ZNF282: variants seen among roughly 807,000 people sequenced by gnomAD.
ZNF282 encodes zinc finger protein 282.
In ZNF282, 30 loss-of-function variants were observed where a neutral mutation model predicts 61.9. The ratio of observed to expected loss-of-function variants is 0.48; its 90% CI spans 0.36 to 0.66. ZNF282 has a LOEUF of 0.66. Ranked by LOEUF, ZNF282 falls within the 30% of genes least tolerant of loss-of-function variation. ZNF282 has a pLI of 0.00. For synonymous variants in ZNF282, 396 were observed against 405.0 expected, an observed-to-expected ratio of 0.98 and a Z score of 0.27; for missense variants, 788 against 941.4, an observed-to-expected ratio of 0.84 and a Z score of 2.13.
chr7:149,224,483 C>T lies in ZNF282; in HGVS notation c.1852C>T (p.Leu618Phe). Residue 618 changes from leucine to phenylalanine, a missense_variant, in exon 8 of 8, where the codon CTC becomes TTC. Leu to Phe is a conservative substitution (Grantham distance 22). Coordinates refer to ENST00000610704, the MANE Select transcript of ZNF282 (RefSeq NM_003575.4). Reference protein sequence around the residue: ...GKSFIRKQNLLKHQRIHTGER... With the variant: ...GKSFIRKQNLFKHQRIHTGER... ...GAGCTTCATCCGCAAGCAGAACCTG[C>T]TCAAGCACCAGCGCATCCACACGGG... 1 of 1,613,468 alleles carries T rather than the reference C, an allele frequency of 6.2e-7. No homozygotes were observed. Among genetic ancestry groups the T allele is most frequent in the Non-Finnish European group, 8.5e-7 (1 of 1,179,918 alleles).
chr7:149,212,381 C>T lies in ZNF282; in HGVS notation c.976C>T (p.Leu326Phe), dbSNP rs1796099714. ...ITDSPISAQD[L>F]LSRIKQEEHQ... ...AGACTCCCCAATTTCTGCCCAGGAC[C>T]TCTTGTCCCGGATTAAACAGGAGGA... The change falls in exon 6 of 8, where the codon CTC becomes TTC. Residue 326 changes from leucine to phenylalanine, a missense_variant. Physicochemically the swap from Leu to Phe is conservative, Grantham distance 22. This residue lies in a region of ZNF282 where 559 missense variants were observed against 642.0 expected (regional missense o/e 0.87). Transcript: ENST00000610704. The T allele has an allele frequency of 1.9e-6, 3 of 1,612,072 alleles. No homozygotes were observed. Among genetic ancestry groups the T allele is most frequent in the East Asian group, 2.2e-5 (1 of 44,702 alleles).
chr7:149,213,890 C>T (rs1391190073), intron 7 of ZNF282, 76 bp downstream of exon 7: 1 of 1,060,926 alleles, frequency 9.4e-7, no homozygotes, highest in African/African-American at 1.6e-5. Flanking sequence ...GAAGGCTGGT[C>T]CTCTTCTCAG....
intron 7 of ZNF282, among the ~76,000 whole-genome samples, chr7:149,218,026 T>C (rs1000590359): frequency 1.3e-5 from 2 of 150,626 alleles, no homozygotes; most frequent in Admixed American, 6.6e-5. Flanking sequence ...GAGAATCCCT[T>C]GAACCCAGGA....
intron 4 of ZNF282, among the ~76,000 whole-genome samples, chr7:149,208,293 C>G (rs889671744): frequency 6.6e-6 from 1 of 152,080 alleles, no homozygotes; most frequent in Non-Finnish European, 1.5e-5. Context: ...AGATTCAAGT[C>G]TGCAACCTCA....
chr7:149,195,793 G>GGGGGC lies in ZNF282; in HGVS notation c.165+46_165+50dup, dbSNP rs761690508. 5.5e-6 allele frequency: 8 copies of GGGGGC among 1,441,476 alleles called. No individual in the cohort carries two copies. The South Asian group carries it at 1.1e-4, about 20-fold the overall frequency. 89.3% of individuals were successfully genotyped at this position (1,441,476 alleles called of 1,614,324 possible). ...GCCGGCGCCATGGCCGCGCTGCCGT[G>GGGGGC]GGGGCGGGGCGCGGGCTGGGCCGCG... On this transcript the variant is annotated intron_variant, in intron 1 of 7. Transcript: ENST00000610704.
intron 2 of ZNF282, among the ~76,000 whole-genome samples, chr7:149,204,809 G>A (rs114979318): frequency 1.5e-3 from 233 of 152,282 alleles, no homozygotes; most frequent in African/African-American, 5.1e-3. Flanking sequence ...CGGAGTTCTA[G>A]TAACAGAGAA....
chr7:149,220,377 A>G (rs1017828297), intron 7 of ZNF282, among the ~76,000 whole-genome samples: 7 of 152,046 alleles, frequency 4.6e-5, no homozygotes, highest in African/African-American at 1.7e-4. Context: ...GCGCCACTGC[A>G]CTCCAGCCTG....
chr7:149,198,236 C>A lies in ZNF282; in HGVS notation c.166-97C>A. 1 of 1,406,200 alleles carries A rather than the reference C, an allele frequency of 7.1e-7. No homozygotes were observed. Among genetic ancestry groups the A allele is most frequent in the Non-Finnish European group, 9.7e-7 (1 of 1,036,002 alleles). The allele number at this position is 1,406,200 out of a possible 1,614,324, so 87.1% of individuals were successfully genotyped here. ...CGGGGGCCTGGCAGAAGAAAGACGA[C>A]ATGTAGCATCTGATTAGTTGACCCC... On this transcript the variant is annotated intron_variant, in intron 1 of 7. Coordinates refer to ENST00000610704, the MANE Select transcript of ZNF282 (RefSeq NM_003575.4). This position sits in a 1 kb window ranked among gnomAD's most constrained non-coding sequence, Gnocchi z 4.3.
chr7:149,212,581 A>G lies in ZNF282; in HGVS notation c.1066+110A>G, dbSNP rs879263954. ...CAGCTGATACTAAAATTACTTCAGC[A>G]CTGATTTTTTGTTCTTTGAGACGGA... is the stretch of plus-strand genomic sequence containing the variant. On this transcript the variant is annotated intron_variant, in intron 6 of 7. Coordinates refer to ENST00000610704, the MANE Select transcript of ZNF282 (RefSeq NM_003575.4). 5.3e-6 allele frequency: 5 copies of G among 946,240 alleles called. No individual in the cohort carries two copies. In the Admixed American group the frequency reaches 8.1e-5, roughly 15 times the overall value. 58.6% of individuals were successfully genotyped at this position (946,240 alleles called of 1,614,324 possible). A position where few individuals can be genotyped will look rare whatever the true frequency, so the allele number is the denominator to read the frequency against.
intron 1 of ZNF282, among the ~76,000 whole-genome samples, chr7:149,196,183 T>C (rs1480391857): frequency 6.6e-6 from 1 of 152,168 alleles, no homozygotes; most frequent in East Asian, 1.9e-4. Flanking sequence ...CGGTGGCCAA[T>C]TTGACGGGGA....
intron 4 of ZNF282, among the ~76,000 whole-genome samples, chr7:149,209,270 C>T (rs1407958602): frequency 4.0e-5 from 6 of 151,526 alleles, no homozygotes; most frequent in South Asian, 4.2e-4. Flanking sequence ...TGCAGTGAGC[C>T]GAGATTGTGC....
At position 149,220,556 on chromosome 7, in the gene ZNF282, C is replaced by T. The variant is rs143917044; in HGVS notation, c.1181-3256C>T. On this transcript the variant is annotated intron_variant, in intron 7 of 7. Coordinates refer to ENST00000610704, the MANE Select transcript of ZNF282 (RefSeq NM_003575.4). ...TTCCAATTCCTTGCCTGACCATCCT[C>T]GGTGTGGCTTCATCCCCAGGCTGGT... 1.1e-3 allele frequency among the ~76,000 whole-genome samples: 172 copies of T among 152,330 alleles called. 1 individual carries two copies. The highest frequency in any genetic ancestry group is 2.0e-3 in the Non-Finnish European group (134 of 68,030).
intron 2 of ZNF282, 35 bp from the exon 3 acceptor site, chr7:149,206,661 G>T: frequency 1.2e-6 from 2 of 1,613,114 alleles, no homozygotes; most frequent in Non-Finnish European, 8.5e-7. Context: ...GGAGGAACAG[G>T]CAGGAGGCGC....
At chr7:149,222,227 T>G (rs1410175388) in intron 7 of ZNF282, among the ~76,000 whole-genome samples, 1 of 152,150 alleles carries the variant, frequency 6.6e-6, no homozygotes, top group Non-Finnish European at 1.5e-5. Flanking sequence ...GGTGGTAGGT[T>G]GGGTGGCCAC....
chr7:149,211,893 C>T (rs1388352199), intron 5 of ZNF282, among the ~76,000 whole-genome samples: 5 of 152,118 alleles, frequency 3.3e-5, no homozygotes, highest in Non-Finnish European at 7.4e-5. Flanking sequence ...AGTATAGGGT[C>T]TTTTTCTTAC....
chr7:149,223,470 A>G (rs1796292942), intron 7 of ZNF282, among the ~76,000 whole-genome samples: 1 of 152,152 alleles, frequency 6.6e-6, no homozygotes, highest in African/African-American at 2.4e-5. Flanking sequence ...AACAAAAAAC[A>G]TTGTCCATCA....
chr7:149,195,724 G>T lies in ZNF282; in HGVS notation c.135G>T (p.Gly45=). Residue 45 remains glycine, a synonymous_variant, in exon 1 of 8, where the codon GGG becomes GGT. Transcript: ENST00000610704. Reference sequence around the variant, plus strand: ...GCCACCAGGAGCCGGCGCTGCGCGGGGAAATGGCCGAGGGAATGCCGCCCA... The same window carrying T: ...GCCACCAGGAGCCGGCGCTGCGCGGTGAAATGGCCGAGGGAATGCCGCCCA... ...EVCHQEPALR[G]EMAEGMPPMQ... 1.3e-6 allele frequency: 2 copies of T among 1,541,366 alleles called. No homozygotes were observed. The highest frequency in any genetic ancestry group is 1.7e-6 in the Non-Finnish European group (2 of 1,144,750).
chr7:149,202,233 C>T (rs1795923043), intron 2 of ZNF282, among the ~76,000 whole-genome samples: 4 of 151,076 alleles, frequency 2.6e-5, no homozygotes, highest in Admixed American at 2.6e-4. Flanking sequence ...CAACTTCTGC[C>T]TCCCAGGTTC....
chr7:149,207,996 C>T (rs1352572794), intron 4 of ZNF282, among the ~76,000 whole-genome samples: 1 of 152,190 alleles, frequency 6.6e-6, no homozygotes, highest in Non-Finnish European at 1.5e-5. Context: ...GCACATCACA[C>T]TTGATGAGCT....
Sources: gnomAD v4.1 joint callset for allele counts (sites outside exome capture counted in the v4.1 genomes callset) on GRCh38, gnomAD v4.1.1 for gene constraint, gnomAD v4.1.1 regional missense constraint, Gnocchi (gnomAD v3.1) non-coding constraint, MANE v1.5 for transcripts, NCBI Gene and HGNC (gene_info 2026-07-23, HGNC 2026-07-21) for gene names.